WDFY4: variants seen among roughly 807,000 people sequenced by gnomAD.
WDFY4 encodes WDFY family member 4.
Under a neutral mutation model 351.9 loss-of-function variants are expected in WDFY4, and 169 were observed. That is an observed-to-expected ratio of 0.48 (90% CI 0.42 to 0.55). The LOEUF is 0.55. Among genes scored for constraint, WDFY4 ranks in the 20% least tolerant of loss-of-function variants. WDFY4 has a pLI of 0.00. For missense variants in WDFY4, 3,803 were observed against 3,935.6 expected (o/e 0.97, Z 0.90); for synonymous variants, 1,622 against 1,574.6 (o/e 1.03, Z -0.71).
intron 24 of WDFY4, among the ~76,000 whole-genome samples, chr10:48,797,906 G>A (rs2066927423): frequency 6.6e-6 from 1 of 152,178 alleles, no homozygotes; most frequent in Non-Finnish European, 1.5e-5. Flanking sequence ...TTTTATTTTA[G>A]GTATGTGACT....
rs556203618 is a variant in WDFY4 at position 48,877,498 on chromosome 10, A to C, written c.7167+299A>C. On this transcript the variant is annotated intron_variant, in intron 43 of 61. Transcript: ENST00000325239. The stretch of plus-strand genomic sequence containing the variant: ...TGACCTTCATAACAACCTGAAAGGC[A>C]AGTTTCAAGTTGAGAATTCTTGATC... Among the ~76,000 whole-genome samples, 6 of 152,352 alleles carry C rather than the reference A, an allele frequency of 3.9e-5. No homozygotes were observed. In the South Asian group the frequency reaches 1.2e-3, roughly 32 times the overall value.
At chr10:48,812,469 C>A (rs150913560) in intron 30 of WDFY4, among the ~76,000 whole-genome samples, 1 of 152,186 alleles carries the variant, frequency 6.6e-6, no homozygotes, top group East Asian at 1.9e-4. Flanking sequence ...GGATTACAGG[C>A]GTGACCCACC....
chr10:48,792,768 G>A (rs955292220), intron 23 of WDFY4, among the ~76,000 whole-genome samples: 2 of 152,192 alleles, frequency 1.3e-5, no homozygotes, highest in South Asian at 2.1e-4. Context: ...ACTACTACAT[G>A]CTTTGTGACT....
intron 47 of WDFY4, among the ~76,000 whole-genome samples, chr10:48,938,362 G>A (rs1196010746): frequency 1.3e-5 from 2 of 152,262 alleles, no homozygotes; most frequent in Non-Finnish European, 2.9e-5. Context: ...AGAGACCCCA[G>A]ACTCCTTCCA....
chr10:48,960,979 G>A (rs141280485), intron 53 of WDFY4, among the ~76,000 whole-genome samples: 8 of 152,294 alleles, frequency 5.3e-5, no homozygotes, highest in Non-Finnish European at 1.0e-4. Flanking sequence ...CGAGGGAAAC[G>A]TTCTATGTCT....
intron 48 of WDFY4, among the ~76,000 whole-genome samples, chr10:48,942,940 G>A (rs916546478): frequency 5.9e-5 from 9 of 152,164 alleles, no homozygotes; most frequent in African/African-American, 1.9e-4. Flanking sequence ...CTGTCTCTGG[G>A]ACTGCCATGG....
chr10:48,701,958 T>A (rs1364612888), intron 1 of WDFY4, among the ~76,000 whole-genome samples: 1 of 152,208 alleles, frequency 6.6e-6, no homozygotes, highest in East Asian at 1.9e-4. Context: ...GGGACTAAAA[T>A]CCCCACCTCT....
intron 47 of WDFY4, among the ~76,000 whole-genome samples, chr10:48,933,600 C>G (rs550497876): frequency 6.6e-6 from 1 of 152,202 alleles, no homozygotes; most frequent in Non-Finnish European, 1.5e-5. Flanking sequence ...CCTTATAGCT[C>G]ATCCCTCCCT....
chr10:48,695,196 C>T (rs1020339495), intron 1 of WDFY4, among the ~76,000 whole-genome samples: 6 of 152,216 alleles, frequency 3.9e-5, no homozygotes, highest in East Asian at 1.9e-4. Context: ...ATCCTTGAGG[C>T]TCCCAGGGAT....
At chr10:48,867,832 A>G (rs1008542697) in intron 40 of WDFY4, among the ~76,000 whole-genome samples, 17 of 152,232 alleles carry the variant, frequency 1.1e-4, no homozygotes, top group African/African-American at 4.1e-4. Flanking sequence ...TAAAAATAGA[A>G]CACAACATAC....
intron 13 of WDFY4, among the ~76,000 whole-genome samples, chr10:48,773,810 C>G (rs763167780): frequency 6.6e-6 from 1 of 152,188 alleles, no homozygotes; most frequent in Non-Finnish European, 1.5e-5. Context: ...GTGGTGGGGC[C>G]TGTATCTGTC....
chr10:48,785,930 T>A (rs1161345361), intron 19 of WDFY4, among the ~76,000 whole-genome samples: 4 of 152,220 alleles, frequency 2.6e-5, no homozygotes, highest in African/African-American at 7.2e-5. Flanking sequence ...TACTTACTGA[T>A]CAACTCGAGG....
chr10:48,714,458 A>G (rs1015123860), intron 2 of WDFY4, among the ~76,000 whole-genome samples: 12 of 152,218 alleles, frequency 7.9e-5, no homozygotes, highest in Admixed American at 7.9e-4. Context: ...TGGTGTGCAG[A>G]GTAGTGTTTT....
At chr10:48,963,293 T>C (rs1413386115) in intron 53 of WDFY4, among the ~76,000 whole-genome samples, 1 of 152,216 alleles carries the variant, frequency 6.6e-6, no homozygotes, top group Non-Finnish European at 1.5e-5. Context: ...AACTTAATTC[T>C]TACATGAACC....
At position 48,736,075 on chromosome 10, in the gene WDFY4, T is replaced by C. The variant is rs1176652133; in HGVS notation, c.1878+5T>C. On this transcript the variant is annotated splice_donor_5th_base_variant and intron_variant, in intron 11 of 61. Transcript: ENST00000325239. The stretch of plus-strand genomic sequence containing the variant: ...CTGAAACTGGATCTCCTGAAGGTGA[T>C]TTCAAGTCCTCCTTTGAGATTGGCT... The C allele has an allele frequency of 6.4e-7, 1 of 1,551,638 alleles. No individual in the cohort carries two copies. Among genetic ancestry groups the C allele is most frequent in the Non-Finnish European group, 8.7e-7 (1 of 1,147,020 alleles).
rs373673822 is a variant in WDFY4 at position 48,904,398 on chromosome 10, C to G, written c.7586+2535C>G. ...AGCCTTTATGTTCATACTTGGATTT[C>G]TCAGCACTGTTTCAGTACAAGGTAA... On this transcript the variant is annotated intron_variant, in intron 47 of 61. Transcript: ENST00000325239. Among the ~76,000 whole-genome samples the G allele has an allele frequency of 1.4e-3, 211 of 152,322 alleles. 3 individuals are homozygous for G. Among genetic ancestry groups the G allele is most frequent in the African/African-American group, 4.7e-3 (196 of 41,576 alleles).
chr10:48,776,118 T>C lies in WDFY4; in HGVS notation c.2863+312T>C, dbSNP rs147776689. On this transcript the variant is annotated intron_variant, in intron 15 of 61. Coordinates refer to ENST00000325239, the MANE Select transcript of WDFY4 (RefSeq NM_001394531.1). ...TACGTGGCGCTGCACTAGACAGAGGTGTGCAGGGAAGGCTTCTGTACAGCT... is the reference window on the plus strand; with the variant it reads ...TACGTGGCGCTGCACTAGACAGAGGCGTGCAGGGAAGGCTTCTGTACAGCT... 8.4e-4 allele frequency among the ~76,000 whole-genome samples: 128 copies of C among 151,860 alleles called. 1 individual carries two copies. Among genetic ancestry groups the C allele is most frequent in the African/African-American group, 3.0e-3 (126 of 41,398 alleles).
intron 24 of WDFY4, among the ~76,000 whole-genome samples, chr10:48,798,474 T>C (rs973296782): frequency 2.0e-5 from 3 of 152,058 alleles, no homozygotes; most frequent in Non-Finnish European, 4.4e-5. Context: ...AATGAGCAAT[T>C]AGAAAGGAAA....
At chr10:48,874,543 T>A (rs79977884) in intron 41 of WDFY4, among the ~76,000 whole-genome samples, 6,292 of 152,232 alleles carry the variant, frequency 0.041, 202 homozygotes, top group East Asian at 0.13. Context: ...AATGAAAAAA[T>A]TAGATTTCAT....
Sources: gnomAD v4.1 joint callset for allele counts (sites outside exome capture counted in the v4.1 genomes callset) on GRCh38, gnomAD v4.1.1 for gene constraint, MANE v1.5 for transcripts, NCBI Gene and HGNC (gene_info 2026-07-23, HGNC 2026-07-21) for gene names.